The following UNC5D variants were observed in gnomAD, a reference collection of about 807,000 sequenced individuals.
The protein encoded by UNC5D is netrin receptor UNC5D.
UNC5D carries 39 observed loss-of-function variants against 105.4 expected under a neutral mutation model. The ratio of observed to expected loss-of-function variants is 0.37; its 90% CI spans 0.29 to 0.48. The LOEUF (loss-of-function observed/expected upper bound fraction) is 0.48, where lower values mean the gene tolerates loss of function less well. Ranked by LOEUF, UNC5D falls within the 20% of genes least tolerant of loss-of-function variation. The pLI is 0.98. For missense variants in UNC5D, 991 were observed against 1,202.4 expected (o/e 0.82, Z 2.60); for synonymous variants, 452 against 450.4 (o/e 1.00, Z -0.04).
intron 7 of UNC5D, among the ~76,000 whole-genome samples, chr8:35,703,289 C>T (rs567951426): frequency 1.5e-4 from 23 of 152,068 alleles, no homozygotes; most frequent in Non-Finnish European, 2.9e-4. Flanking sequence ...CATGTGCTAG[C>T]TCTATGCTGC....
chr8:35,651,887 T>A (rs189881044), intron 4 of UNC5D, among the ~76,000 whole-genome samples: 1 of 152,318 alleles, frequency 6.6e-6, no homozygotes, highest in Non-Finnish European at 1.5e-5. Context: ...TCACAGCATA[T>A]GAAGTCATTC....
chr8:35,490,654 T>C (rs1298306484), intron 1 of UNC5D, among the ~76,000 whole-genome samples: 2 of 152,206 alleles, frequency 1.3e-5, no homozygotes, highest in African/African-American at 4.8e-5. Context: ...GCATACTATG[T>C]AATGCCTTAG....
At chr8:35,550,142 C>T (rs1246361574) in intron 2 of UNC5D, among the ~76,000 whole-genome samples, 1 of 152,046 alleles carries the variant, frequency 6.6e-6, no homozygotes, top group Non-Finnish European at 1.5e-5. Flanking sequence ...ATTGACCACT[C>T]ACTATATATC....
intron 1 of UNC5D, among the ~76,000 whole-genome samples, chr8:35,503,650 G>A (rs1326782684): frequency 2.0e-5 from 3 of 152,162 alleles, no homozygotes; most frequent in Non-Finnish European, 4.4e-5. Context: ...AAGGAATGGA[G>A]GGTAATTAGT....
At chr8:35,468,269 AC>A (rs1809454910) in intron 1 of UNC5D, among the ~76,000 whole-genome samples, 1 of 152,098 alleles carries the variant, frequency 6.6e-6, no homozygotes, top group Non-Finnish European at 1.5e-5. Flanking sequence ...ACTTTTGACC[AC>A]TCCCAAGGAC....
chr8:35,767,021 C>T lies in UNC5D; in HGVS notation c.2433C>T (p.Leu811=), dbSNP rs1341336282. 6.2e-7 allele frequency: 1 copy of T among 1,613,996 alleles called. No individual in the cohort carries two copies. Among genetic ancestry groups the T allele is most frequent in the South Asian group, 1.1e-5 (1 of 91,066 alleles). Residue 811 remains leucine, a synonymous_variant, in exon 15 of 17, where the codon CTC becomes CTT. Coordinates refer to ENST00000404895, the MANE Select transcript of UNC5D (RefSeq NM_080872.4). Reference sequence around the variant, plus strand: ...CCTGCAAAATCTGCATTCGGCAGCTCAAAGGCCATGAACAGATCCTCCAAG... The same window carrying T: ...CCTGCAAAATCTGCATTCGGCAGCTTAAAGGCCATGAACAGATCCTCCAAG... ...QLSCKICIRQ[L]KGHEQILQVQ...
At chr8:35,449,023 G>A (rs1807977920) in intron 1 of UNC5D, among the ~76,000 whole-genome samples, 1 of 152,142 alleles carries the variant, frequency 6.6e-6, no homozygotes, top group African/African-American at 2.4e-5. Context: ...TTTTGGCAGA[G>A]TAGATGTTCA....
intron 13 of UNC5D, among the ~76,000 whole-genome samples, chr8:35,753,210 G>C (rs573105613): frequency 1.3e-5 from 2 of 152,186 alleles, no homozygotes; most frequent in African/African-American, 4.8e-5. Context: ...GACAGTGCTA[G>C]GGAGAATGTT....
intron 1 of UNC5D, among the ~76,000 whole-genome samples, chr8:35,406,264 C>T (rs1024862142): frequency 6.6e-6 from 1 of 152,126 alleles, no homozygotes; most frequent in Admixed American, 6.5e-5. Flanking sequence ...ACTTGGTAAA[C>T]TGTTAACTGT....
intron 8 of UNC5D, among the ~76,000 whole-genome samples, chr8:35,719,138 T>TTA (rs1301492344): frequency 3.0e-5 from 2 of 67,474 alleles, no homozygotes; most frequent in South Asian, 5.7e-4. Context: ...GCACATGTGC[T>TTA]TATACACACA....
At chr8:35,627,804 C>T (rs927711354) in intron 4 of UNC5D, among the ~76,000 whole-genome samples, 9 of 152,208 alleles carry the variant, frequency 5.9e-5, no homozygotes, top group South Asian at 2.1e-4. Flanking sequence ...TGGCACACAC[C>T]GAGTCCCAGC....
At chr8:35,536,337 A>C (rs906324319) in intron 1 of UNC5D, among the ~76,000 whole-genome samples, 2 of 152,202 alleles carry the variant, frequency 1.3e-5, no homozygotes, top group Non-Finnish European at 2.9e-5. Context: ...TATTAGGAAA[A>C]ATAACAAAGG....
At chr8:35,247,587 A>T (rs1436650827) in intron 1 of UNC5D, among the ~76,000 whole-genome samples, 54 of 106,090 alleles carry the variant, frequency 5.1e-4, no homozygotes, top group African/African-American at 2.0e-3. Flanking sequence ...AAAATATATA[A>T]AATATATATA....
chr8:35,413,412 C>T (rs1805326556), intron 1 of UNC5D, among the ~76,000 whole-genome samples: 1 of 150,984 alleles, frequency 6.6e-6, no homozygotes. Context: ...GTTTAACTCC[C>T]CTCTTAAACT....
At chr8:35,522,888 C>G (rs910413226) in intron 1 of UNC5D, among the ~76,000 whole-genome samples, 3 of 152,094 alleles carry the variant, frequency 2.0e-5, no homozygotes, top group African/African-American at 7.2e-5. Context: ...CCTCAACCCA[C>G]AACATAATAT....
At chr8:35,527,743 A>G (rs545450993) in intron 1 of UNC5D, among the ~76,000 whole-genome samples, 1 of 152,108 alleles carries the variant, frequency 6.6e-6, no homozygotes, top group Non-Finnish European at 1.5e-5. Flanking sequence ...GGATTTCACC[A>G]TATTGGCCAG....
chr8:35,446,774 C>T (rs552377681), intron 1 of UNC5D, among the ~76,000 whole-genome samples: 2 of 152,130 alleles, frequency 1.3e-5, no homozygotes, highest in Admixed American at 1.3e-4. Context: ...TTGCCCATAC[C>T]CACACTTTAT....
At chr8:35,312,304 C>G (rs1808952008) in intron 1 of UNC5D, among the ~76,000 whole-genome samples, 1 of 152,158 alleles carries the variant, frequency 6.6e-6, no homozygotes, top group Non-Finnish European at 1.5e-5. Flanking sequence ...CAGTAGCATT[C>G]ACTACCATTT....
At chr8:35,243,469 T>C (rs1330191840) in intron 1 of UNC5D, among the ~76,000 whole-genome samples, 2 of 152,296 alleles carry the variant, frequency 1.3e-5, no homozygotes, top group Middle Eastern at 3.4e-3. Flanking sequence ...AAAGAGGAAA[T>C]TGACTCACCC....
Sources: gnomAD v4.1 joint callset for allele counts (sites outside exome capture counted in the v4.1 genomes callset) on GRCh38, gnomAD v4.1.1 for gene constraint, MANE v1.5 for transcripts, NCBI Gene and HGNC (gene_info 2026-07-23, HGNC 2026-07-21) for gene names.